LDAF1: variants seen among roughly 807,000 people sequenced by gnomAD.
LDAF1 encodes the protein PROMETHIN.
Under a neutral mutation model 13.5 loss-of-function variants are expected in LDAF1, and 7 were observed. The ratio of observed to expected loss-of-function variants is 0.52; its 90% CI spans 0.29 to 0.97. LDAF1 has a LOEUF of 0.97. LDAF1 is among the 50% of genes least tolerant of loss of function. The probability of loss-of-function intolerance (pLI) is 0.07; values close to 1 mark genes in which losing one functional copy is unlikely to be tolerated. For missense variants in LDAF1, 148 were observed against 193.2 expected (o/e 0.77, Z 1.39); for synonymous variants, 69 against 77.1 (o/e 0.89, Z 0.55).
intron 4 of LDAF1, among the ~76,000 whole-genome samples, chr16:21,176,855 G>A (rs2093142760): frequency 6.9e-6 from 1 of 145,538 alleles, no homozygotes; most frequent in Non-Finnish European, 1.5e-5. Flanking sequence ...AGCTATGATT[G>A]TACCACTGCA....
chr16:21,170,739 C>A lies in LDAF1; in HGVS notation c.265+134C>A. ...CAGGCTGGTCTCAAACTCCTGGGCTCAAGTGATCCTCCCACGTCGGCCTGC... is the reference window on the plus strand; with the variant it reads ...CAGGCTGGTCTCAAACTCCTGGGCTAAAGTGATCCTCCCACGTCGGCCTGC... On this transcript the variant is annotated intron_variant, in intron 3 of 4. Coordinates refer to ENST00000233047, the MANE Select transcript of LDAF1 (RefSeq NM_001301771.2). The A allele has an allele frequency of 3.8e-6, 4 of 1,059,974 alleles. No homozygotes were observed. The African/African-American group carries it at 4.8e-5, about 13-fold the overall frequency. 65.7% of individuals were successfully genotyped at this position (1,059,974 alleles called of 1,614,324 possible).
intron 3 of LDAF1, chr16:21,173,178 A>G (rs2093105847): frequency 6.6e-6 from 1 of 152,224 alleles, no homozygotes; most frequent in African/African-American, 2.4e-5. Context: ...GATGGTTTAC[A>G]GGCTGGATTT....
At chr16:21,163,982 G>A (rs542647885) in intron 2 of LDAF1, among the ~76,000 whole-genome samples, 10 of 152,308 alleles carry the variant, frequency 6.6e-5, no homozygotes, top group East Asian at 3.9e-4. Flanking sequence ...GATTATAGGC[G>A]TGAGCCACCG....
intron 3 of LDAF1, chr16:21,172,807 G>A (rs966985561): frequency 1.0e-4 from 99 of 985,214 alleles, no homozygotes; most frequent in South Asian, 1.9e-4. Context: ...AAAATTTTGC[G>A]AATCTTTATG....
intron 2 of LDAF1, among the ~76,000 whole-genome samples, chr16:21,167,202 A>G (rs533727437): frequency 2.0e-5 from 3 of 152,166 alleles, no homozygotes; most frequent in East Asian, 1.9e-4. Flanking sequence ...CTGCCTTCCA[A>G]CTCGCCCTGA....
intron 2 of LDAF1, among the ~76,000 whole-genome samples, chr16:21,167,970 C>T (rs2093042110): frequency 6.9e-6 from 1 of 144,506 alleles, no homozygotes; most frequent in South Asian, 2.3e-4. Context: ...CTTGCCATTG[C>T]ACTCCAGCCT....
Position 21,170,380 on chromosome 16 carries a change from T to C in LDAF1, c.97-57T>C. On this transcript the variant is annotated intron_variant, in intron 2 of 4. Transcript: ENST00000233047. Reference sequence around the variant, plus strand: ...AATTCCCACAGCTTGGGCAGATTCATTCAACCTGGGGTTCCGATGTGTTAC... The same window carrying C: ...AATTCCCACAGCTTGGGCAGATTCACTCAACCTGGGGTTCCGATGTGTTAC... 3 of 1,603,494 alleles carry C rather than the reference T, an allele frequency of 1.9e-6. No homozygotes were observed. In the South Asian group the frequency reaches 3.3e-5, roughly 18 times the overall value.
chr16:21,179,662 C>T lies in LDAF1; in HGVS notation c.*106C>T, dbSNP rs1045515769. ...GGCTGGGTAGGCAAGCACTCCTTGG[C>T]TGTGTCCTCTCGCTTTTTCACTTAC... On this transcript the variant is annotated 3_prime_UTR_variant, in exon 5 of 5. Coordinates refer to ENST00000233047, the MANE Select transcript of LDAF1 (RefSeq NM_001301771.2). 6.4e-6 allele frequency: 6 copies of T among 937,644 alleles called. No homozygotes were observed. Among genetic ancestry groups the T allele is most frequent in the East Asian group, 5.1e-5 (2 of 39,222 alleles). 58.1% of individuals were successfully genotyped at this position (937,644 alleles called of 1,614,324 possible).
intron 2 of LDAF1, chr16:21,165,525 TC>T: frequency 1.1e-6 from 1 of 931,160 alleles, no homozygotes; most frequent in Non-Finnish European, 1.3e-6. Flanking sequence ...GTGTATTCCT[TC>T]TTTTGTCATT....
chr16:21,165,506 C>A (rs1478053327), intron 2 of LDAF1: 1 of 814,630 alleles, frequency 1.2e-6, no homozygotes, highest in African/African-American at 1.9e-5. Flanking sequence ...CATACAGTCC[C>A]TAAGTCCTGT....
chr16:21,159,208 T>A, intron 1 of LDAF1: 2 of 982,902 alleles, frequency 2.0e-6, no homozygotes, highest in South Asian at 1.3e-5. Context: ...TGCAGAGAGA[T>A]CTGCAAGTAT....
intron 2 of LDAF1, among the ~76,000 whole-genome samples, chr16:21,163,800 G>T (rs900955985): frequency 6.6e-6 from 1 of 152,194 alleles, no homozygotes; most frequent in Admixed American, 6.5e-5. Flanking sequence ...CACTGCACTA[G>T]GCATTCACCC....
chr16:21,160,087 G>A (rs1597520963), intron 1 of LDAF1: 1 of 483,720 alleles, frequency 2.1e-6, no homozygotes, highest in East Asian at 1.5e-4. Flanking sequence ...CAGCTTAGTA[G>A]TAGATAAAAT....
At chr16:21,177,613 C>T (rs1597569344) in intron 4 of LDAF1, among the ~76,000 whole-genome samples, 1 of 145,350 alleles carries the variant, frequency 6.9e-6, no homozygotes, top group South Asian at 2.2e-4. Flanking sequence ...CTTGCATTAG[C>T]GAATTCTTTT....
chr16:21,164,019 G>A (rs1308335897), intron 2 of LDAF1, among the ~76,000 whole-genome samples: 1 of 152,060 alleles, frequency 6.6e-6, no homozygotes, highest in South Asian at 2.1e-4. Context: ...GTTGTAAATG[G>A]TCCTGACCCT....
At chr16:21,173,447 C>T (rs1362085164) in intron 3 of LDAF1, 1 of 152,418 alleles carries the variant, frequency 6.6e-6, no homozygotes, top group Non-Finnish European at 1.5e-5. Flanking sequence ...GTTGTGGTGG[C>T]TCACGCCTGT....
In LDAF1 at chr16:21,179,584, T is replaced by C. The variant is rs760988365; in HGVS notation, c.*28T>C. ...GACTGCTCAGAGGCCGGGCTTCTTT[T>C]CAAGTACTGCTGGATCATACTCACC... On this transcript the variant is annotated 3_prime_UTR_variant, in exon 5 of 5. Coordinates refer to ENST00000233047, the MANE Select transcript of LDAF1 (RefSeq NM_001301771.2). The C allele has an allele frequency of 6.3e-7, 1 of 1,595,238 alleles. No individual in the cohort carries two copies. The highest frequency in any genetic ancestry group is 8.6e-7 in the Non-Finnish European group (1 of 1,164,012).
chr16:21,159,451 A>G (rs771017265), intron 1 of LDAF1: 9 of 1,612,626 alleles, frequency 5.6e-6, no homozygotes, highest in Middle Eastern at 3.3e-4. Context: ...TCCCCCAACC[A>G]GAGATGTGAC....
At position 21,165,914 on chromosome 16, in the gene LDAF1, C is replaced by G. The variant is rs1422841967; in HGVS notation, c.97-4523C>G. Among the ~76,000 whole-genome samples, 2 of 152,120 alleles carry G rather than the reference C, an allele frequency of 1.3e-5. 1 individual carries two copies. The highest frequency in any genetic ancestry group is 4.1e-4 in the South Asian group (2 of 4,828). ...TCGCTCTGTCGCCCAGGCTGGAGTA[C>G]AGTGGCGTGATCTCGGCTCACTGCA... is the stretch of plus-strand genomic sequence containing the variant. On this transcript the variant is annotated intron_variant, in intron 2 of 4. Transcript: ENST00000233047.
Sources: gnomAD v4.1 joint callset for allele counts (sites outside exome capture counted in the v4.1 genomes callset) on GRCh38, gnomAD v4.1.1 for gene constraint, MANE v1.5 for transcripts, NCBI Gene and HGNC (gene_info 2026-07-23, HGNC 2026-07-21) for gene names.